The following SAMMSON variants were observed in gnomAD, a reference collection of about 807,000 sequenced individuals.
The protein encoded by SAMMSON is survival associated mitochondrial melanoma specific oncogenic non-coding RNA.
At chr3:70,208,035 A>T (rs1383479903) in intron 4 of SAMMSON, among the ~76,000 whole-genome samples, 1 of 152,074 alleles carries the variant, frequency 6.6e-6, no homozygotes, top group Non-Finnish European at 1.5e-5. Context: ...AAGTTACAGG[A>T]TTGAGAAGTG....
At chr3:70,319,827 A>T (rs1476929158) in intron 7 of SAMMSON, among the ~76,000 whole-genome samples, 2 of 152,038 alleles carry the variant, frequency 1.3e-5, no homozygotes, top group Non-Finnish European at 2.9e-5. Flanking sequence ...TAGATACTGG[A>T]TGTTTATTTA....
At chr3:70,122,928 C>T (rs879444756) in intron 4 of SAMMSON, among the ~76,000 whole-genome samples, 3 of 152,166 alleles carry the variant, frequency 2.0e-5, no homozygotes, top group Non-Finnish European at 2.9e-5. Flanking sequence ...TTCACCTCAC[C>T]GTCCTAGGGC....
At chr3:70,204,046 C>A (rs1701267744) in intron 4 of SAMMSON, among the ~76,000 whole-genome samples, 1 of 152,134 alleles carries the variant, frequency 6.6e-6, no homozygotes, top group Non-Finnish European at 1.5e-5. Flanking sequence ...AGAGCACACA[C>A]CATGAACTGT....
chr3:70,190,043 A>C (rs531210188), intron 4 of SAMMSON, among the ~76,000 whole-genome samples: 1 of 152,290 alleles, frequency 6.6e-6, no homozygotes, highest in South Asian at 2.1e-4. Context: ...GGCTGGCTTA[A>C]TGTAGCTAAA....
chr3:70,224,169 T>C (rs1442378240), intron 4 of SAMMSON, among the ~76,000 whole-genome samples: 1 of 152,126 alleles, frequency 6.6e-6, no homozygotes, highest in African/African-American at 2.4e-5. Flanking sequence ...ACTGGATTCG[T>C]AGACTTTGGT....
chr3:70,250,503 T>C (rs555696299), intron 6 of SAMMSON, among the ~76,000 whole-genome samples: 1 of 152,042 alleles, frequency 6.6e-6, no homozygotes, highest in East Asian at 1.9e-4. Context: ...CTCCAGGACA[T>C]TTCTTTGAGC....
intron 2 of SAMMSON, among the ~76,000 whole-genome samples, chr3:70,417,632 T>A (rs1017498203): frequency 6.6e-6 from 1 of 152,202 alleles, no homozygotes; most frequent in Admixed American, 6.5e-5. Flanking sequence ...TCTCTGTGTC[T>A]TTCTCTACTA....
intron 2 of SAMMSON, among the ~76,000 whole-genome samples, chr3:70,427,893 G>C (rs564239560): frequency 3.0e-4 from 45 of 152,222 alleles, no homozygotes; most frequent in African/African-American, 9.6e-4. Context: ...ATTTTTGGAA[G>C]ATTGAAGGAT....
chr3:70,393,845 TG>T (rs1701069781), downstream of SAMMSON, among the ~76,000 whole-genome samples: 1 of 152,166 alleles, frequency 6.6e-6, no homozygotes, highest in Non-Finnish European at 1.5e-5. Flanking sequence ...CAGGGTTTGC[TG>T]AAGAGTTGGA....
At chr3:70,173,543 C>A (rs1050469982) in intron 4 of SAMMSON, among the ~76,000 whole-genome samples, 2 of 151,942 alleles carry the variant, frequency 1.3e-5, no homozygotes, top group African/African-American at 4.8e-5. Context: ...ATCTTTACCT[C>A]ATCTGCCCTC....
At chr3:70,169,605 A>G (rs1476709526) in intron 4 of SAMMSON, among the ~76,000 whole-genome samples, 1 of 151,590 alleles carries the variant, frequency 6.6e-6, no homozygotes, top group African/African-American at 2.4e-5. Flanking sequence ...AGCTAAATAA[A>G]AAGATTTCAG....
intron 9 of SAMMSON, among the ~76,000 whole-genome samples, chr3:70,374,988 G>T (rs1459522424): frequency 6.6e-6 from 1 of 151,998 alleles, no homozygotes; most frequent in Non-Finnish European, 1.5e-5. Flanking sequence ...TGATACATAT[G>T]AGGCTAAAAG....
intron 9 of SAMMSON, among the ~76,000 whole-genome samples, chr3:70,389,072 G>T (rs1701020042): frequency 1.3e-5 from 2 of 151,946 alleles, no homozygotes; most frequent in South Asian, 4.2e-4. Context: ...CTCTTGCCGT[G>T]GGACCTCTTT....
At chr3:70,209,879 A>C (rs1701326187) in intron 4 of SAMMSON, among the ~76,000 whole-genome samples, 1 of 152,030 alleles carries the variant, frequency 6.6e-6, no homozygotes, top group Non-Finnish European at 1.5e-5. Flanking sequence ...CCTTCTTTGC[A>C]CACTCAGGGA....
At chr3:70,341,514 C>T (rs1270627936) in intron 7 of SAMMSON, among the ~76,000 whole-genome samples, 1 of 152,122 alleles carries the variant, frequency 6.6e-6, no homozygotes, top group African/African-American at 2.4e-5. Context: ...TTCCCCTTGA[C>T]CACTGATGGT....
At chr3:70,270,105 C>T (rs764952585) in intron 6 of SAMMSON, among the ~76,000 whole-genome samples, 10 of 152,020 alleles carry the variant, frequency 6.6e-5, no homozygotes, top group Non-Finnish European at 1.3e-4. Flanking sequence ...CTAATGATGC[C>T]ATCCACAGCA....
chr3:70,091,962 T>C (rs1466925309), intron 4 of SAMMSON, among the ~76,000 whole-genome samples: 2 of 152,142 alleles, frequency 1.3e-5, no homozygotes, highest in Admixed American at 1.3e-4. Context: ...TAAAGGAAAT[T>C]AAGGGGTTTT....
At chr3:70,434,142 A>T (rs1380506454) in intron 2 of SAMMSON, among the ~76,000 whole-genome samples, 2 of 152,188 alleles carry the variant, frequency 1.3e-5, no homozygotes, top group Admixed American at 1.3e-4. Context: ...AAACTTTAGA[A>T]TCATTTGTTG....
intron 8 of SAMMSON, among the ~76,000 whole-genome samples, chr3:70,356,988 G>A (rs143857202): frequency 6.6e-6 from 1 of 152,276 alleles, no homozygotes; most frequent in East Asian, 1.9e-4. Context: ...AATGCATACA[G>A]TAAGTCACCT....
Sources: gnomAD v4.1 joint callset for allele counts (sites outside exome capture counted in the v4.1 genomes callset) on GRCh38, gnomAD v4.1.1 for gene constraint, MANE v1.5 for transcripts, NCBI Gene and HGNC (gene_info 2026-07-23, HGNC 2026-07-21) for gene names.